The following GLI4 variants were observed in gnomAD, a reference collection of about 807,000 sequenced individuals.
GLI4 encodes GLI family zinc finger 4.
In GLI4, 34 loss-of-function variants were observed where a neutral mutation model predicts 30.9. The observed-to-expected ratio is 1.10, with a 90% CI of 0.84 to 1.47. The LOEUF is 1.47. Among genes scored for constraint, GLI4 ranks in the 40% most tolerant of loss-of-function variants. The pLI, the probability that GLI4 is intolerant of heterozygous loss-of-function variation, is 0.00. For synonymous variants in GLI4, 277 were observed against 236.7 expected, an observed-to-expected ratio of 1.17 and a Z score of -1.56; for missense variants, 696 against 538.9, an observed-to-expected ratio of 1.29 and a Z score of -2.89.
At chr8:143,275,212 T>C (rs1220847669) in intron 3 of GLI4, 2 of 1,535,272 alleles carry the variant, frequency 1.3e-6, no homozygotes, top group African/African-American at 1.4e-5. Context: ...CCCCTCAGCC[T>C]GGTTGGAGCT....
Position 143,276,062 on chromosome 8 carries a change from C to A in GLI4, c.389C>A (p.Pro130Gln). The A allele has an allele frequency of 7.4e-7, 1 of 1,352,598 alleles. No homozygotes were observed. Among genetic ancestry groups the A allele is most frequent in the South Asian group, 1.9e-5 (1 of 51,714 alleles). The allele number at this position is 1,352,598 out of a possible 1,614,324, so 83.8% of individuals were successfully genotyped here. A position where few individuals can be genotyped will look rare whatever the true frequency, so the allele number is the denominator to read the frequency against. ...AGCGCGGAGCGGCCGGCGGGCCAGC[C>A]GCCTGGGGCCGTCCCTTGCGCCCAG... ...ESSAERPAGQ[P>Q]PGAVPCAQPR... Residue 130 changes from proline to glutamine, a missense_variant, in exon 4 of 4, where the codon CCG becomes CAG. Transcript: ENST00000340042.
At position 143,276,781 on chromosome 8, in the gene GLI4, C is replaced by T. The variant is rs771766667; in HGVS notation, c.1108C>T (p.Gln370Ter). 1 of 1,586,636 alleles carries T rather than the reference C, an allele frequency of 6.3e-7. No homozygotes were observed. The highest frequency in any genetic ancestry group is 8.6e-7 in the Non-Finnish European group (1 of 1,166,944). Residue 370 changes from glutamine to a stop codon, truncating the protein, a stop_gained, in exon 4 of 4, where the codon CAG (glutamine) becomes TAG (stop). Coordinates refer to ENST00000340042, the MANE Select transcript of GLI4 (RefSeq NM_138465.4). LOFTEE classifies it high-confidence loss of function. Reference sequence around the variant, plus strand: ...CCAGAGCTCCCAGCTCATCCAGCACCAGCGGGTGCACTACCGCGAGTAGCC... The same window carrying T: ...CCAGAGCTCCCAGCTCATCCAGCACTAGCGGGTGCACTACCGCGAGTAGCC... ...FGQSSQLIQH[Q>*]RVHYRE
chr8:143,276,391 G>GAGTGCGGCC lies in GLI4; in HGVS notation c.728_736dup (p.Gln243_Gly245dup), dbSNP rs753682013. 16 of 1,612,314 alleles carry GAGTGCGGCC rather than the reference G, an allele frequency of 9.9e-6. No individual in the cohort carries two copies. The highest frequency in any genetic ancestry group is 1.3e-5 in the Non-Finnish European group (15 of 1,179,738). ...CATCCACACGGGCGAGAAGCCCTAC[G>GAGTGCGGCC]AGTGCGGCCAGTGCGGCCGCGCCTT... On this transcript the variant is annotated inframe_insertion, in exon 4 of 4. Coordinates refer to ENST00000340042, the MANE Select transcript of GLI4 (RefSeq NM_138465.4).
intron 2 of GLI4, among the ~76,000 whole-genome samples, chr8:143,270,430 C>T (rs919344108): frequency 3.3e-5 from 5 of 152,224 alleles, no homozygotes; most frequent in Admixed American, 1.3e-4. Flanking sequence ...CCCTGCAGCC[C>T]TGCCGTCTCC....
Position 143,276,454 on chromosome 8 carries a change from C to G in GLI4, c.781C>G (p.His261Asp). 6.2e-7 allele frequency: 1 copy of G among 1,612,992 alleles called. No individual in the cohort carries two copies. Among genetic ancestry groups the G allele is most frequent in the Non-Finnish European group, 8.5e-7 (1 of 1,179,796 alleles). ...GCACTTCACGCAGCACCTGCGCATCCACAACGGCGAGAAGCCCTACAAGTG... is the reference window on the plus strand; with the variant it reads ...GCACTTCACGCAGCACCTGCGCATCGACAACGGCGAGAAGCCCTACAAGTG... Reference protein sequence around the residue: ...SSHFTQHLRIHNGEKPYKCGE... With the variant: ...SSHFTQHLRIDNGEKPYKCGE... Residue 261 changes from histidine to aspartate, a missense_variant, in exon 4 of 4, where the codon CAC (histidine) becomes GAC (aspartate). By Grantham distance (81) the His-to-Asp change is moderately conservative. Coordinates refer to ENST00000340042, the MANE Select transcript of GLI4 (RefSeq NM_138465.4).
In GLI4 at chr8:143,276,791, A is replaced by G. The variant is rs963396550; in HGVS notation, c.1118A>G (p.His373Arg). 5 of 1,574,938 alleles carry G rather than the reference A, an allele frequency of 3.2e-6. No homozygotes were observed. The highest frequency in any genetic ancestry group is 4.3e-6 in the Non-Finnish European group (5 of 1,161,756). ...CAGCTCATCCAGCACCAGCGGGTGC[A>G]CTACCGCGAGTAGCCGGGCGGGGGC... ...SSQLIQHQRV[H>R]YRE Residue 373 changes from histidine to arginine, a missense_variant, in exon 4 of 4, where the codon CAC becomes CGC. His to Arg is a conservative substitution (Grantham distance 29). Transcript: ENST00000340042.
chr8:143,268,185 AT>A (rs1163927930), intron 1 of GLI4: 1 of 686,330 alleles, frequency 1.5e-6, no homozygotes, highest in East Asian at 1.3e-4. Context: ...GACCCTTCCC[AT>A]CATTAGGGGA....
chr8:143,275,511 G>A (rs1815364111), intron 3 of GLI4: 1 of 1,270,700 alleles, frequency 7.9e-7, no homozygotes. Context: ...CCTCGGCAAG[G>A]GCTTTGAGGC....
At chr8:143,267,506 C>T (rs1815160687) in intron 1 of GLI4, 22 bp downstream of exon 1, 1 of 986,328 alleles carries the variant, frequency 1.0e-6, no homozygotes, top group African/African-American at 1.7e-5. Flanking sequence ...CGGGCGGCGG[C>T]GGCGGCTCCG....
chr8:143,268,615 C>G (rs1815193345), intron 1 of GLI4, among the ~76,000 whole-genome samples: 1 of 152,242 alleles, frequency 6.6e-6, no homozygotes, highest in African/African-American at 2.4e-5. Flanking sequence ...CACTCATGCG[C>G]AGCAGGCATG....
At position 143,276,508 on chromosome 8, in the gene GLI4, A is replaced by G. The variant is rs1563737840; in HGVS notation, c.835A>G (p.Ser279Gly). The G allele has an allele frequency of 5.0e-6, 8 of 1,612,774 alleles. No homozygotes were observed. Among genetic ancestry groups the G allele is most frequent in the Non-Finnish European group, 5.9e-6 (7 of 1,179,792 alleles). Reference protein sequence around the residue: ...CGECGQAFSQSSNLVRHQRLH... With the variant: ...CGECGQAFSQGSNLVRHQRLH... ...CGAGTGCGGCCAGGCCTTCAGCCAG[A>G]GCTCCAACCTGGTGCGCCACCAGCG... is the stretch of plus-strand genomic sequence containing the variant. Residue 279 changes from serine to glycine, a missense_variant, in exon 4 of 4, where the codon AGC (serine) becomes GGC (glycine). Coordinates refer to ENST00000340042, the MANE Select transcript of GLI4 (RefSeq NM_138465.4).
rs1456181213 is a variant in GLI4 at position 143,276,195 on chromosome 8, G to T, written c.522G>T (p.Gln174His). Reference protein sequence around the residue: ...ELGVNFGRSRQGSARGAKPHR... With the variant: ...ELGVNFGRSRHGSARGAKPHR... The stretch of plus-strand genomic sequence containing the variant: ...GAGTCAACTTCGGTCGGAGCCGGCA[G>T]GGCAGCGCGCGGGGGGCCAAGCCGC... Residue 174 changes from glutamine to histidine, a missense_variant, in exon 4 of 4, where the codon CAG (glutamine) becomes CAT (histidine). By Grantham distance (24) the Gln-to-His change is conservative. Transcript: ENST00000340042. 3.2e-6 allele frequency: 5 copies of T among 1,568,154 alleles called. No individual in the cohort carries two copies. The Admixed American group carries it at 9.5e-5, about 30-fold the overall frequency.
At chr8:143,274,960 C>T in intron 3 of GLI4, 158 bp downstream of exon 3, 1 of 1,480,640 alleles carries the variant, frequency 6.8e-7, no homozygotes, top group East Asian at 2.5e-5. Context: ...CGTGGCCCCT[C>T]CCCCACTCTA....
Position 143,269,378 on chromosome 8 carries a change from T to G in GLI4, c.-19T>G. ...TCCCCAGGTCCCAGGTGTGACACCT[T>G]CAGCAGGTCTCAGGGAAGATGGCAG... On this transcript the variant is annotated 5_prime_UTR_variant, in exon 2 of 4. Coordinates refer to ENST00000340042, the MANE Select transcript of GLI4 (RefSeq NM_138465.4). 6.2e-7 allele frequency: 1 copy of G among 1,610,004 alleles called. No individual in the cohort carries two copies. Among genetic ancestry groups the G allele is most frequent in the East Asian group, 2.2e-5 (1 of 44,822 alleles).
intron 2 of GLI4, among the ~76,000 whole-genome samples, chr8:143,270,311 C>T (rs1383998070): frequency 6.6e-6 from 1 of 152,228 alleles, no homozygotes; most frequent in Non-Finnish European, 1.5e-5. Context: ...CTGCATGGGG[C>T]CCTCAGGTGG....
At position 143,269,373 on chromosome 8, in the gene GLI4, C is replaced by T; in HGVS notation, c.-24C>T. On this transcript the variant is annotated 5_prime_UTR_variant, in exon 2 of 4. Transcript: ENST00000340042. ...CATTTTCCCCAGGTCCCAGGTGTGACACCTTCAGCAGGTCTCAGGGAAGAT... is the reference window on the plus strand; with the variant it reads ...CATTTTCCCCAGGTCCCAGGTGTGATACCTTCAGCAGGTCTCAGGGAAGAT... 6.2e-7 allele frequency: 1 copy of T among 1,607,474 alleles called. No homozygotes were observed. The highest frequency in any genetic ancestry group is 8.5e-7 in the Non-Finnish European group (1 of 1,176,212).
intron 1 of GLI4, 160 bp downstream of exon 1, chr8:143,267,644 C>A: frequency 5.1e-6 from 5 of 983,642 alleles, no homozygotes; most frequent in Non-Finnish European, 6.0e-6. Context: ...GCCCGGGGAG[C>A]GGGGTGGGCT....
In GLI4 at chr8:143,275,937, C is replaced by T. The variant is rs746349479; in HGVS notation, c.264C>T (p.Gly88=). ...CGGAGCAGGCTCCACGCTCTCCTGG[C>T]TCTCAGGCCCCTGACGAGGGGGCGG... is the stretch of plus-strand genomic sequence containing the variant. ...PKPEQAPRSP[G]SQAPDEGAGG... The change falls in exon 4 of 4, where the codon GGC becomes GGT. Residue 88 remains glycine (G), a synonymous_variant. Coordinates refer to ENST00000340042, the MANE Select transcript of GLI4 (RefSeq NM_138465.4). The T allele has an allele frequency of 2.3e-6, 3 of 1,330,510 alleles. No individual in the cohort carries two copies. Among genetic ancestry groups the T allele is most frequent in the African/African-American group, 3.1e-5 (2 of 65,454 alleles). 82.4% of individuals were successfully genotyped at this position (1,330,510 alleles called of 1,614,324 possible).
Position 143,269,107 on chromosome 8 carries a change from G to A in GLI4, c.-37-253G>A, listed in dbSNP as rs188221411. On this transcript the variant is annotated intron_variant, in intron 1 of 3. Transcript: ENST00000340042. ...TCTACCCACCTCGGCCTCACAAAGT[G>A]CTGGGATTACAGGCATGAGCCACCG... Among the ~76,000 whole-genome samples, 87 of 152,294 alleles carry A rather than the reference G, an allele frequency of 5.7e-4. 1 individual carries two copies. In the South Asian group the frequency reaches 0.017, roughly 29 times the overall value.
Sources: gnomAD v4.1 joint callset for allele counts (sites outside exome capture counted in the v4.1 genomes callset) on GRCh38, gnomAD v4.1.1 for gene constraint, MANE v1.5 for transcripts, NCBI Gene and HGNC (gene_info 2026-07-23, HGNC 2026-07-21) for gene names.